The following UGT2B11 variants were observed in gnomAD, a reference collection of about 807,000 sequenced individuals.
The protein encoded by UGT2B11 is UDP-glucuronosyltransferase 2B11.
In UGT2B11, 49 loss-of-function variants were observed where a neutral mutation model predicts 51.7. That is an observed-to-expected ratio of 0.95 (90% CI 0.75 to 1.20). UGT2B11 has a LOEUF of 1.20. Ranked by LOEUF, UGT2B11 falls within the 50% of genes most tolerant of loss-of-function variation. The probability of loss-of-function intolerance (pLI) is 0.00; values close to 1 mark genes in which losing one functional copy is unlikely to be tolerated. For synonymous variants in UGT2B11, 273 were observed against 209.0 expected (o/e 1.31, Z -2.64); for missense variants, 810 against 622.1 (o/e 1.30, Z -3.21).
chr4:69,212,517 T>G (rs1456216529), intron 2 of UGT2B11, 56 bp downstream of exon 2: 1 of 1,583,826 alleles, frequency 6.3e-7, no homozygotes, highest in Non-Finnish European at 8.5e-7. Flanking sequence ...AACTATAGAC[T>G]CATTTCTACT....
chr4:69,208,324 C>T (rs866172405), intron 3 of UGT2B11, 27 bp downstream of exon 3: 7 of 1,607,564 alleles, frequency 4.4e-6, no homozygotes, highest in Non-Finnish European at 1.7e-6. Flanking sequence ...CAGCAGTTTT[C>T]CACACCAGTA....
chr4:69,215,705 C>T (rs572686269), upstream of UGT2B11: 2 of 152,026 alleles, frequency 1.3e-5, no homozygotes, highest in Admixed American at 1.3e-4. Flanking sequence ...TAGACTTTTT[C>T]AGAGTGAGTG....
At chr4:69,204,355 A>T in intron 5 of UGT2B11, 75 bp downstream of exon 5, 1 of 1,577,956 alleles carries the variant, frequency 6.3e-7, no homozygotes, top group Non-Finnish European at 8.6e-7. Flanking sequence ...TATAAAAAGG[A>T]TGAAACTCAT....
intron 2 of UGT2B11, among the ~76,000 whole-genome samples, chr4:69,209,585 C>T (rs544828954): frequency 8.7e-5 from 12 of 137,332 alleles, no homozygotes; most frequent in South Asian, 5.4e-4. Flanking sequence ...AAGAAAAAAA[C>T]GTCTAAATGT....
chr4:69,214,760 T>G (rs772847852), upstream of UGT2B11: 2 of 1,596,642 alleles, frequency 1.3e-6, no homozygotes, highest in Admixed American at 3.5e-5. Flanking sequence ...AGTCACTGTT[T>G]CTTTCTCATA....
chr4:69,212,465 T>C, intron 2 of UGT2B11, 108 bp downstream of exon 2: 1 of 1,534,304 alleles, frequency 6.5e-7, no homozygotes. Context: ...CACCACCTAC[T>C]TCCCATCTTT....
upstream of UGT2B11, chr4:69,214,947 C>G (rs998170505): frequency 4.4e-6 from 3 of 676,002 alleles, no homozygotes; most frequent in Admixed American, 1.0e-4. Flanking sequence ...TGTCATCCAC[C>G]TAAGATTAAT....
chr4:69,220,498 T>A, the UGT2B11 span, among the ~76,000 whole-genome samples: 1 of 66,100 alleles, frequency 1.5e-5, no homozygotes, highest in African/African-American at 4.8e-5. Context: ...ACTCACACTG[T>A]GCTAACAGAG....
upstream of UGT2B11, among the ~76,000 whole-genome samples, chr4:69,217,262 A>G (rs1050188174): frequency 6.6e-6 from 1 of 152,134 alleles, no homozygotes; most frequent in South Asian, 2.1e-4. Flanking sequence ...CTCACCAGAA[A>G]TTTACATCAA....
At chr4:69,223,004 G>C in the UGT2B11 span, among the ~76,000 whole-genome samples, 2 of 152,194 alleles carry the variant, frequency 1.3e-5, no homozygotes, top group Non-Finnish European at 2.9e-5. Context: ...TTTGGGCAAA[G>C]CTTGCAGGCT....
chr4:69,202,884 G>A (rs530395972), intron 5 of UGT2B11, among the ~76,000 whole-genome samples: 1 of 151,616 alleles, frequency 6.6e-6, no homozygotes, highest in South Asian at 2.1e-4. Flanking sequence ...TATTTTTAAA[G>A]TATTCCTTTA....
intron 3 of UGT2B11, among the ~76,000 whole-genome samples, chr4:69,206,283 A>G (rs1479379326): frequency 7.2e-6 from 1 of 139,374 alleles, no homozygotes; most frequent in Non-Finnish European, 1.6e-5. Context: ...ACTACGGAAT[A>G]TTATGCAGCC....
intron 2 of UGT2B11, among the ~76,000 whole-genome samples, chr4:69,211,322 G>A (rs1722055027): frequency 6.6e-6 from 1 of 151,430 alleles, no homozygotes; most frequent in Non-Finnish European, 1.5e-5. Flanking sequence ...GTTACTTATG[G>A]TAGAATTTTA....
At chr4:69,205,222 C>G (rs948893481) in intron 4 of UGT2B11, among the ~76,000 whole-genome samples, 1 of 151,512 alleles carries the variant, frequency 6.6e-6, no homozygotes, top group Non-Finnish European at 1.5e-5. Context: ...AGAGAGACAG[C>G]CCAGGAAGAT....
At chr4:69,223,056 T>C in the UGT2B11 span, among the ~76,000 whole-genome samples, 2 of 152,126 alleles carry the variant, frequency 1.3e-5, no homozygotes, top group Non-Finnish European at 2.9e-5. Flanking sequence ...AGAAAGCTTG[T>C]ACATAAGGGA....
intron 5 of UGT2B11, among the ~76,000 whole-genome samples, chr4:69,203,878 C>G (rs929222745): frequency 3.3e-5 from 5 of 151,486 alleles, no homozygotes; most frequent in Middle Eastern, 3.4e-3. Flanking sequence ...ATTGCAGTTT[C>G]TTTTGTGTTG....
chr4:69,210,982 G>A (rs1388635260), intron 2 of UGT2B11: 1 of 151,484 alleles, frequency 6.6e-6, no homozygotes, highest in Non-Finnish European at 1.5e-5. Context: ...TTGAAACTAA[G>A]GGCACTATTC....
At chr4:69,220,249 T>G in the UGT2B11 span, among the ~76,000 whole-genome samples, 1 of 49,532 alleles carries the variant, frequency 2.0e-5, no homozygotes, top group South Asian at 1.1e-3. Flanking sequence ...GATTCCATGG[T>G]CTTCGGCAGT....
At chr4:69,201,210 G>A (rs547386028) in intron 5 of UGT2B11, 297 of 152,074 alleles carry the variant, frequency 2.0e-3, no homozygotes, top group Non-Finnish European at 3.4e-3. Flanking sequence ...GCCATTTTAA[G>A]TGCTGTAAGA....
Sources: gnomAD v4.1 joint callset for allele counts (sites outside exome capture counted in the v4.1 genomes callset) on GRCh38, gnomAD v4.1.1 for gene constraint, MANE v1.5 for transcripts, NCBI Gene and HGNC (gene_info 2026-07-23, HGNC 2026-07-21) for gene names.